Variants in IMMT observed in about 807,000 individuals in gnomAD.
The protein encoded by IMMT is MICOS complex subunit MIC60.
A neutral mutation model predicts 92.7 loss-of-function variants in IMMT; 40 were observed. That is an observed-to-expected ratio of 0.43 (90% CI 0.34 to 0.56). The LOEUF is 0.56. Ranked by LOEUF, IMMT falls within the 20% of genes least tolerant of loss-of-function variation. The pLI is 0.03. For missense variants in IMMT, 831 were observed against 912.1 expected, an observed-to-expected ratio of 0.91 and a Z score of 1.14; for synonymous variants, 322 against 336.1, an observed-to-expected ratio of 0.96 and a Z score of 0.46.
chr2:86,159,658 T>C lies in IMMT; in HGVS notation c.910A>G (p.Lys304Glu). 1 of 1,563,960 alleles carries C rather than the reference T, an allele frequency of 6.4e-7. No homozygotes were observed. Among genetic ancestry groups the C allele is most frequent in the Non-Finnish European group, 8.6e-7 (1 of 1,163,416 alleles). Residue 304 changes from lysine (K) to glutamate (E), a missense_variant, in exon 9 of 15, where the codon AAG (lysine) becomes GAG (glutamate). Coordinates refer to ENST00000410111, the MANE Select transcript of IMMT (RefSeq NM_006839.3). ...GCATTTTCAATCACACTTTTCATCT[T>C]CTCTAACTCTTCTCTGGAAACCAAC... is the stretch of plus-strand genomic sequence containing the variant. ...ALLKAKEELE[K>E]MKSVIENAKK...
intron 3 of IMMT, among the ~76,000 whole-genome samples, chr2:86,178,192 C>T (rs1432011622): frequency 6.6e-6 from 1 of 151,788 alleles, no homozygotes; most frequent in Admixed American, 6.6e-5. Flanking sequence ...GTGGTGAGCG[C>T]CTGTAGGCCC....
intron 2 of IMMT, 132 bp downstream of exon 2, chr2:86,181,167 A>G: frequency 1.6e-6 from 1 of 610,106 alleles, no homozygotes; most frequent in East Asian, 2.8e-5. Flanking sequence ...CAATAATGTT[A>G]CAGCAAAGCT....
chr2:86,193,301 G>A (rs1673285249), intron 1 of IMMT, among the ~76,000 whole-genome samples: 1 of 151,822 alleles, frequency 6.6e-6, no homozygotes, highest in South Asian at 2.1e-4. Flanking sequence ...CAGCTACTCA[G>A]GAGGCTGAGG....
At chr2:86,164,124 C>A (rs1368146601) in intron 7 of IMMT, among the ~76,000 whole-genome samples, 1 of 116,512 alleles carries the variant, frequency 8.6e-6, no homozygotes, top group Admixed American at 1.2e-4. Context: ...ATGGCTCGAT[C>A]TTGGCTCACC....
intron 6 of IMMT, among the ~76,000 whole-genome samples, chr2:86,168,620 C>T (rs999962095): frequency 2.0e-5 from 3 of 151,656 alleles, no homozygotes; most frequent in Non-Finnish European, 4.4e-5. Context: ...GAGACTCTGT[C>T]TCAAAACAAA....
Position 86,180,619 on chromosome 2 carries a change from G to A in IMMT, c.119+680C>T, listed in dbSNP as rs79458447. ...AATAAAATACCAGCCAGCCATGGTG[G>A]CTCACACCTGTAATGCCAGCACTTC... On this transcript the variant is annotated intron_variant, in intron 2 of 14. Transcript: ENST00000410111. Among the ~76,000 whole-genome samples, 1,328 of 151,698 alleles carry A rather than the reference G, an allele frequency of 8.8e-3. 21 individuals carry two copies. The highest frequency in any genetic ancestry group is 0.03 in the African/African-American group (1,237 of 41,410).
chr2:86,167,477 G>GTT (rs796945734), intron 6 of IMMT, among the ~76,000 whole-genome samples: 71 of 39,562 alleles, frequency 1.8e-3, no homozygotes, highest in African/African-American at 5.0e-3. Context: ...CCGGTTTTTT[G>GTT]TTTTTTGTTT....
chr2:86,173,630 A>T lies in IMMT; in HGVS notation c.421+20T>A. ...GAGATTTACCTATAATTTTAAAAAGATGGTTCAAAATATAAGTACCTGTTG... is the reference window on the plus strand; with the variant it reads ...GAGATTTACCTATAATTTTAAAAAGTTGGTTCAAAATATAAGTACCTGTTG... On this transcript the variant is annotated intron_variant, in intron 4 of 14. Transcript: ENST00000410111. The T allele has an allele frequency of 2.4e-6, 3 of 1,271,716 alleles. No individual in the cohort carries two copies. The highest frequency in any genetic ancestry group is 3.4e-6 in the Non-Finnish European group (3 of 878,820). The allele number at this position is 1,271,716 out of a possible 1,614,324, so 78.8% of individuals were successfully genotyped here.
At chr2:86,184,912 G>A (rs57260506) in intron 1 of IMMT, among the ~76,000 whole-genome samples, 1,842 of 152,290 alleles carry the variant, frequency 0.012, 45 homozygotes, top group African/African-American at 0.041. Flanking sequence ...AAGTAGGCCA[G>A]GCGCGATGGC....
chr2:86,194,127 A>T (rs1019463806), intron 1 of IMMT, among the ~76,000 whole-genome samples: 6 of 152,230 alleles, frequency 3.9e-5, no homozygotes, highest in Non-Finnish European at 7.3e-5. Context: ...CAAGAAAAGA[A>T]GTACTTCAGT....
At chr2:86,174,850 T>C (rs1677325672) in intron 3 of IMMT, among the ~76,000 whole-genome samples, 1 of 152,202 alleles carries the variant, frequency 6.6e-6, no homozygotes, top group Admixed American at 6.5e-5. Context: ...ACTTCTCCTC[T>C]ATAGTCATTC....
chr2:86,162,338 G>GT (rs1346343442), intron 7 of IMMT, among the ~76,000 whole-genome samples: 13 of 113,716 alleles, frequency 1.1e-4, no homozygotes, highest in Admixed American at 6.9e-4. Flanking sequence ...TCTAAGGAGA[G>GT]TTGTTTTTTT....
chr2:86,189,241 C>CT (rs201935180), intron 1 of IMMT, among the ~76,000 whole-genome samples: 1,616 of 146,460 alleles, frequency 0.011, 30 homozygotes, highest in East Asian at 0.1. Context: ...ATGTAATGTT[C>CT]TTTTTTTTTT....
rs548821311 is a variant in IMMT at position 86,180,122 on chromosome 2, T to A, written c.120-500A>T. 1.1e-3 allele frequency among the ~76,000 whole-genome samples: 174 copies of A among 152,062 alleles called. 1 individual carries two copies. Among genetic ancestry groups the A allele is most frequent in the Middle Eastern group, 0.01 (3 of 294 alleles). On this transcript the variant is annotated intron_variant, in intron 2 of 14. Coordinates refer to ENST00000410111, the MANE Select transcript of IMMT (RefSeq NM_006839.3). ...AAATAAAAGTATGAATAACTAAAAA[T>A]TTTTTTTAAATACAATATCTAGAAA...
At chr2:86,178,007 T>TA (rs1677549734) in intron 3 of IMMT, among the ~76,000 whole-genome samples, 1 of 152,158 alleles carries the variant, frequency 6.6e-6, no homozygotes, top group Non-Finnish European at 1.5e-5. Flanking sequence ...TACCAGCTAC[T>TA]ATTAGTTCAA....
Position 86,146,060 on chromosome 2 carries a change from A to T in IMMT, c.1663+8T>A. The stretch of plus-strand genomic sequence containing the variant: ...ATTATCTGTAAGATAAACATAGCTT[A>T]TGCTTACTCTGAACAGCCTGTTCGA... On this transcript the variant is annotated splice_region_variant and intron_variant, in intron 14 of 14. Transcript: ENST00000410111. The T allele has an allele frequency of 3.9e-6, 6 of 1,536,676 alleles. No individual in the cohort carries two copies. Among genetic ancestry groups the T allele is most frequent in the Non-Finnish European group, 5.3e-6 (6 of 1,134,336 alleles).
chr2:86,181,340 T>C lies in IMMT; in HGVS notation c.78A>G (p.Pro26=). ...SCLCGKFVLR[P]LRPCRRYSTS... is the part of the protein sequence containing the mutation. ...TAGAGTATCTGCGGCATGGTCGCAA[T>C]GGACGGAGGACAAACTTCCCACAGA... Residue 26 remains proline, a synonymous_variant, in exon 2 of 15, where the codon CCA becomes CCG. Transcript: ENST00000410111. 2 of 1,613,820 alleles carry C rather than the reference T, an allele frequency of 1.2e-6. No individual in the cohort carries two copies. Among genetic ancestry groups the C allele is most frequent in the Non-Finnish European group, 1.7e-6 (2 of 1,179,780 alleles).
At chr2:86,178,319 A>AAAG (rs755740190) in intron 3 of IMMT, among the ~76,000 whole-genome samples, 1 of 142,968 alleles carries the variant, frequency 7.0e-6, no homozygotes, top group Non-Finnish European at 1.5e-5. Context: ...CTCCATCTCA[A>AAAG]AAAAAAAAAA....
At chr2:86,190,805 T>A (rs1278554019) in intron 1 of IMMT, among the ~76,000 whole-genome samples, 1 of 152,092 alleles carries the variant, frequency 6.6e-6, no homozygotes, top group East Asian at 1.9e-4. Flanking sequence ...CCGGCTAATA[T>A]GGTGAAACCC....
Sources: gnomAD v4.1 joint callset for allele counts (sites outside exome capture counted in the v4.1 genomes callset) on GRCh38, gnomAD v4.1.1 for gene constraint, MANE v1.5 for transcripts, NCBI Gene and HGNC (gene_info 2026-07-23, HGNC 2026-07-21) for gene names.